Variants in PRSS23 observed in about 807,000 individuals in gnomAD.
PRSS23 encodes protease, serine 23.
Under a neutral mutation model 34.7 loss-of-function variants are expected in PRSS23, and 25 were observed. The ratio of observed to expected loss-of-function variants is 0.72; its 90% CI spans 0.53 to 1.01. The LOEUF (loss-of-function observed/expected upper bound fraction) is 1.01, where lower values mean the gene tolerates loss of function less well. Among genes scored for constraint, PRSS23 ranks in the 50% least tolerant of loss-of-function variants. The probability of loss-of-function intolerance (pLI) is 0.00; values close to 1 mark genes in which losing one functional copy is unlikely to be tolerated. For synonymous variants in PRSS23, 176 were observed against 186.6 expected (o/e 0.94, Z 0.46); for missense variants, 445 against 475.6 (o/e 0.94, Z 0.60).
intron 2 of PRSS23, among the ~76,000 whole-genome samples, chr11:86,889,316 C>T (rs1948825674): frequency 6.6e-6 from 1 of 152,206 alleles, no homozygotes; most frequent in African/African-American, 2.4e-5. Context: ...CTGTCTTAGT[C>T]TGTTCCTATG....
intron 2 of PRSS23, among the ~76,000 whole-genome samples, chr11:86,848,622 C>T (rs970896897): frequency 5.3e-5 from 8 of 152,168 alleles, no homozygotes; most frequent in Non-Finnish European, 8.8e-5. Context: ...CCCTGGAAGG[C>T]CAACTTATTC....
At chr11:86,903,639 C>T (rs889301185) in intron 2 of PRSS23, among the ~76,000 whole-genome samples, 1 of 152,008 alleles carries the variant, frequency 6.6e-6, no homozygotes, top group Non-Finnish European at 1.5e-5. Context: ...CCCACCACCA[C>T]TCCTGGCTAA....
intron 2 of PRSS23, among the ~76,000 whole-genome samples, chr11:86,831,290 T>A (rs905700781): frequency 2.6e-5 from 4 of 152,182 alleles, no homozygotes. Context: ...TAAGGGAATA[T>A]TACTCCTAAT....
intron 2 of PRSS23, among the ~76,000 whole-genome samples, chr11:86,826,576 T>C (rs1948302790): frequency 6.6e-6 from 1 of 152,220 alleles, no homozygotes. Context: ...GTGCCAGTTT[T>C]CAAAGGGAAT....
chr11:86,889,983 T>C (rs967442767), intron 2 of PRSS23, among the ~76,000 whole-genome samples: 1 of 152,174 alleles, frequency 6.6e-6, no homozygotes, highest in African/African-American at 2.4e-5. Flanking sequence ...AGTTCCCCAG[T>C]TGAGGCCAGG....
chr11:86,903,716 C>T (rs1356614205), intron 2 of PRSS23, among the ~76,000 whole-genome samples: 1 of 152,040 alleles, frequency 6.6e-6, no homozygotes, highest in East Asian at 1.9e-4. Context: ...ATCTCCTGAC[C>T]TCATGATCCA....
chr11:86,952,597 G>C, exon 3 of PRSS23: 2 of 985,508 alleles, frequency 2.0e-6, no homozygotes, highest in Non-Finnish European at 3.1e-6. Flanking sequence ...CCAACCTATC[G>C]GGAGTCTGTC....
At position 86,817,982 on chromosome 11, in the gene PRSS23, C is replaced by G. The variant is rs541093324; in HGVS notation, c.-11-5395C>G. 9.1e-4 allele frequency among the ~76,000 whole-genome samples: 138 copies of G among 152,254 alleles called. 1 individual carries two copies. Among genetic ancestry groups the G allele is most frequent in the African/African-American group, 3.1e-3 (129 of 41,568 alleles). On this transcript the variant is annotated intron_variant, in intron 1 of 2. Transcript: ENST00000533902. ...TAATAGCAAGGTGCCATAAGACTAC[C>G]GTGAGTGGAGCAACTAACCATGCCT...
intron 2 of PRSS23, among the ~76,000 whole-genome samples, chr11:86,864,960 C>T (rs1948640428): frequency 6.6e-6 from 1 of 152,212 alleles, no homozygotes; most frequent in Non-Finnish European, 1.5e-5. Flanking sequence ...TTTGGGCCCA[C>T]ACAGATAACT....
chr11:86,793,963 C>G (rs1235779710), intron 1 of PRSS23, among the ~76,000 whole-genome samples: 1 of 152,098 alleles, frequency 6.6e-6, no homozygotes, highest in East Asian at 1.9e-4. Context: ...AAATCTAGCA[C>G]CGAAGGGTTT....
intron 2 of PRSS23, chr11:86,910,600 T>A (rs10160280): frequency 2.0e-5 from 3 of 152,104 alleles, no homozygotes; most frequent in Non-Finnish European, 2.9e-5. Flanking sequence ...TTCTAAAGTA[T>A]GTAGAATGAG....
At chr11:86,906,285 G>A (rs1029748008) in intron 2 of PRSS23, among the ~76,000 whole-genome samples, 13 of 152,256 alleles carry the variant, frequency 8.5e-5, no homozygotes, top group Non-Finnish European at 1.9e-4. Context: ...AAACCTCGCA[G>A]CTATTGTTTT....
intron 2 of PRSS23, among the ~76,000 whole-genome samples, chr11:86,859,412 G>A (rs1262933793): frequency 4.6e-5 from 7 of 151,884 alleles, no homozygotes; most frequent in East Asian, 3.9e-4. Flanking sequence ...CTGTGATATC[G>A]TTTCTACTAT....
intron 2 of PRSS23, among the ~76,000 whole-genome samples, chr11:86,873,267 T>TACAC (rs1439589458): frequency 7.6e-6 from 1 of 132,018 alleles, no homozygotes; most frequent in African/African-American, 3.1e-5. Flanking sequence ...TATATATATA[T>TACAC]ACACACACAT....
intron 2 of PRSS23, among the ~76,000 whole-genome samples, chr11:86,868,237 G>A (rs1451171071): frequency 1.3e-5 from 2 of 152,202 alleles, no homozygotes; most frequent in Non-Finnish European, 2.9e-5. Flanking sequence ...TGGAGTGAAA[G>A]AAGCACTGAC....
chr11:86,938,192 C>G (rs1181840472), intron 2 of PRSS23, among the ~76,000 whole-genome samples: 1 of 152,214 alleles, frequency 6.6e-6, no homozygotes, highest in Middle Eastern at 3.2e-3. Flanking sequence ...AAGAACAGCT[C>G]TTGCCCTTGA....
At chr11:86,819,382 C>T in intron 1 of PRSS23, among the ~76,000 whole-genome samples, 1 of 152,080 alleles carries the variant, frequency 6.6e-6, no homozygotes, top group Non-Finnish European at 1.5e-5. Context: ...TTATTGGCTC[C>T]ATTTTTTTTT....
At chr11:86,906,444 G>A (rs1225179188) in intron 2 of PRSS23, among the ~76,000 whole-genome samples, 3 of 152,220 alleles carry the variant, frequency 2.0e-5, no homozygotes, top group Non-Finnish European at 4.4e-5. Flanking sequence ...CGCCACCCCG[G>A]CGCACCTTAG....
intron 2 of PRSS23, chr11:86,910,039 C>T (rs1948967731): frequency 6.6e-6 from 1 of 152,084 alleles, no homozygotes; most frequent in South Asian, 2.1e-4. Flanking sequence ...CTAAACATGT[C>T]CAAAAAACTT....
Sources: allele counts gnomAD v4.1 joint callset (sites outside exome capture counted in the v4.1 genomes callset), GRCh38; gene constraint gnomAD v4.1.1; transcripts MANE v1.5; gene names NCBI Gene and HGNC (gene_info 2026-07-23, HGNC 2026-07-21).